NBEA: variants seen among roughly 807,000 people sequenced by gnomAD.
NBEA encodes neurobeachin, also known as lysosomal-trafficking regulator 2.
In NBEA, 44 loss-of-function variants were observed where a neutral mutation model predicts 343.4. That is an observed-to-expected ratio of 0.13 (90% CI 0.10 to 0.16). The LOEUF (loss-of-function observed/expected upper bound fraction) is 0.16, where lower values mean the gene tolerates loss of function less well. Ranked by LOEUF, NBEA falls within the 10% of genes least tolerant of loss-of-function variation. NBEA has a pLI of 1.00. For synonymous variants in NBEA, 1,175 were observed against 1,238.7 expected, an observed-to-expected ratio of 0.95 and a Z score of 1.08; for missense variants, 2,555 against 3,631.3, an observed-to-expected ratio of 0.70 and a Z score of 7.62.
rs1408373758 is a variant in NBEA, at chr13:35,472,519, A to C, written c.6568A>C (p.Lys2190Gln). ...FEVDEDDSAF[K>Q]KIDTKVLAYT... ...GGTAGATGAGGATGATTCTGCCTTC[A>C]AGAAGATCGACACGAAAGTGAGTTA... The change falls in exon 41 of 59, where the codon AAG (lysine) becomes CAG (glutamine). Residue 2190 changes from lysine to glutamine, a missense_variant. Transcript: ENST00000379939. The C allele has an allele frequency of 1.2e-6, 2 of 1,614,046 alleles. No individual in the cohort carries two copies. Among genetic ancestry groups the C allele is most frequent in the Non-Finnish European group, 1.7e-6 (2 of 1,179,898 alleles).
intron 38 of NBEA, among the ~76,000 whole-genome samples, chr13:35,405,852 T>C (rs1448130842): frequency 1.3e-5 from 2 of 152,170 alleles, no homozygotes; most frequent in Non-Finnish European, 2.9e-5. Context: ...AGTGTGGTAA[T>C]TGCTCAGTAG....
chr13:35,283,542 A>G (rs1308805908), intron 34 of NBEA, among the ~76,000 whole-genome samples: 4 of 152,128 alleles, frequency 2.6e-5, no homozygotes, highest in African/African-American at 7.2e-5. Flanking sequence ...AAAATATCTC[A>G]TGTAACACAG....
chr13:35,058,258 G>T (rs1286357182), intron 7 of NBEA, among the ~76,000 whole-genome samples: 4 of 151,888 alleles, frequency 2.6e-5, no homozygotes, highest in South Asian at 2.1e-4. Context: ...GAGAAGTAGA[G>T]GAATAGATTT....
At chr13:35,422,633 G>A (rs1360314322) in intron 38 of NBEA, among the ~76,000 whole-genome samples, 6 of 152,178 alleles carry the variant, frequency 3.9e-5, no homozygotes, top group African/African-American at 9.7e-5. Flanking sequence ...CTTTATAGCA[G>A]CATGATTTAT....
intron 49 of NBEA, among the ~76,000 whole-genome samples, chr13:35,636,691 AG>A (rs1194045668): frequency 6.6e-6 from 1 of 152,166 alleles, no homozygotes; most frequent in Non-Finnish European, 1.5e-5. Flanking sequence ...TTATTCAACC[AG>A]GGAAAATTTG....
At chr13:35,531,608 A>G (rs12861167) in intron 41 of NBEA, among the ~76,000 whole-genome samples, 15,494 of 152,212 alleles carry the variant, frequency 0.1, 1,099 homozygotes, top group Admixed American at 0.18. Context: ...CCCCGTCTCT[A>G]TGACAACTGT....
At chr13:35,445,908 C>A (rs1264557944) in intron 39 of NBEA, among the ~76,000 whole-genome samples, 2 of 149,450 alleles carry the variant, frequency 1.3e-5, no homozygotes, top group Non-Finnish European at 3.0e-5. Flanking sequence ...TGTTGGTGTG[C>A]TGCACCCATT....
chr13:35,374,754 G>A (rs1479383196), intron 38 of NBEA, among the ~76,000 whole-genome samples: 1 of 151,988 alleles, frequency 6.6e-6, no homozygotes, highest in African/African-American at 2.4e-5. Flanking sequence ...CATCAGAATA[G>A]TCACCAGCAT....
intron 1 of NBEA, among the ~76,000 whole-genome samples, chr13:34,979,243 C>G (rs1286752327): frequency 1.3e-5 from 2 of 151,980 alleles, no homozygotes; most frequent in Non-Finnish European, 2.9e-5. Context: ...AAATTTTCCC[C>G]TGGTTGCTGG....
chr13:35,154,872 T>TC (rs1267587219), intron 18 of NBEA, among the ~76,000 whole-genome samples: 1 of 152,050 alleles, frequency 6.6e-6, no homozygotes, highest in Non-Finnish European at 1.5e-5. Context: ...ATGCATTTAA[T>TC]CCCAGCACTT....
At chr13:35,435,727 A>T (rs2045396644) in intron 39 of NBEA, among the ~76,000 whole-genome samples, 1 of 152,174 alleles carries the variant, frequency 6.6e-6, no homozygotes, top group Admixed American at 6.5e-5. Flanking sequence ...GTATAGAATA[A>T]ATCATTTATC....
At chr13:34,978,053 T>C (rs534544060) in intron 1 of NBEA, among the ~76,000 whole-genome samples, 1 of 152,308 alleles carries the variant, frequency 6.6e-6, no homozygotes, top group South Asian at 2.1e-4. Context: ...GTGATCCTCC[T>C]GCCTTGGCCT....
intron 10 of NBEA, among the ~76,000 whole-genome samples, chr13:35,086,019 C>G (rs1375198625): frequency 1.3e-5 from 2 of 152,074 alleles, no homozygotes; most frequent in East Asian, 3.9e-4. Flanking sequence ...ATCCAACTTG[C>G]AAGGGACGTG....
At chr13:35,156,908 A>G (rs1002169032) in intron 20 of NBEA, among the ~76,000 whole-genome samples, 170 bp from the exon 21 acceptor site, 16 of 152,330 alleles carry the variant, frequency 1.1e-4, no homozygotes, top group African/African-American at 3.8e-4. Context: ...TGGTAGAGAA[A>G]TAAGAGAAAG....
intron 10 of NBEA, among the ~76,000 whole-genome samples, chr13:35,096,548 T>G (rs1240678469): frequency 6.6e-6 from 1 of 151,842 alleles, no homozygotes; most frequent in African/African-American, 2.4e-5. Flanking sequence ...TAAGAAATAC[T>G]TTTTTGCCTT....
At chr13:35,036,102 T>C (rs1392629978) in intron 1 of NBEA, among the ~76,000 whole-genome samples, 1 of 151,876 alleles carries the variant, frequency 6.6e-6, no homozygotes, top group Non-Finnish European at 1.5e-5. Context: ...TTCTGTCCTC[T>C]AGTGAAGATG....
chr13:35,221,093 C>A (rs1405472601), intron 33 of NBEA, among the ~76,000 whole-genome samples: 1 of 152,038 alleles, frequency 6.6e-6, no homozygotes, highest in African/African-American at 2.4e-5. Flanking sequence ...CGACTGTAAT[C>A]CCAGCATTTT....
intron 13 of NBEA, among the ~76,000 whole-genome samples, 197 bp downstream of exon 13, chr13:35,111,175 C>A (rs2066186264): frequency 6.6e-6 from 1 of 152,006 alleles, no homozygotes; most frequent in South Asian, 2.1e-4. Context: ...GGAATAAAAT[C>A]AGTTAAAAAG....
intron 34 of NBEA, among the ~76,000 whole-genome samples, chr13:35,278,769 G>T (rs1453819826): frequency 6.6e-6 from 1 of 152,182 alleles, no homozygotes; most frequent in African/African-American, 2.4e-5. Context: ...TTAGCACAAG[G>T]ATTGGCAAAC....
Sources: allele counts gnomAD v4.1 joint callset (sites outside exome capture counted in the v4.1 genomes callset), GRCh38; gene constraint gnomAD v4.1.1; transcripts MANE v1.5; gene names NCBI Gene and HGNC (gene_info 2026-07-23, HGNC 2026-07-21).